TTLL5: variants seen among roughly 807,000 people sequenced by gnomAD.
TTLL5 encodes the protein tubulin polyglutamylase TTLL5.
Under a neutral mutation model 168.4 loss-of-function variants are expected in TTLL5, and 132 were observed. That is an observed-to-expected ratio of 0.78 (90% CI 0.68 to 0.91). The LOEUF (loss-of-function observed/expected upper bound fraction) is 0.91. TTLL5 is among the 40% of genes least tolerant of loss of function. The probability of loss-of-function intolerance (pLI) is 0.00; values close to 1 mark genes in which losing one functional copy is unlikely to be tolerated. For missense variants in TTLL5, 1,545 were observed against 1,581.5 expected, an observed-to-expected ratio of 0.98 and a Z score of 0.39; for synonymous variants, 546 against 558.6, an observed-to-expected ratio of 0.98 and a Z score of 0.32.
intron 27 of TTLL5, among the ~76,000 whole-genome samples, chr14:75,803,994 A>C (rs182960161): frequency 1.3e-5 from 2 of 152,280 alleles, no homozygotes; most frequent in East Asian, 3.9e-4. Context: ...CTGGGAGTTT[A>C]ATCAAAGGGA....
chr14:75,902,385 T>A, intron 31 of TTLL5, 161 bp downstream of exon 31: 1 of 776,492 alleles, frequency 1.3e-6, no homozygotes, highest in Non-Finnish European at 2.1e-6. Flanking sequence ...CATTCTTCTT[T>A]AAAATAGTCT....
chr14:75,781,674 G>T (rs1326243600), intron 24 of TTLL5, among the ~76,000 whole-genome samples: 3 of 152,142 alleles, frequency 2.0e-5, no homozygotes, highest in African/African-American at 7.2e-5. Context: ...AAGAGTTTAG[G>T]CCGGGCATGG....
chr14:75,946,919 A>T (rs1346324114), intron 31 of TTLL5, among the ~76,000 whole-genome samples: 1 of 152,190 alleles, frequency 6.6e-6, no homozygotes, highest in Non-Finnish European at 1.5e-5. Flanking sequence ...TCATGCCTGG[A>T]GGGAGGGATG....
chr14:75,893,817 C>CAAAAAAAAAAAAAAAAAAAAAAAAAA (rs61332109), intron 30 of TTLL5, among the ~76,000 whole-genome samples: 1 of 71,618 alleles, frequency 1.4e-5, no homozygotes, highest in Non-Finnish European at 2.5e-5. Flanking sequence ...GACTCCATCT[C>CAAAAAAAAAAAAAAAAAAAAAAAAAA]AAAAAAAAAA....
At chr14:75,909,522 C>T (rs1398114676) in intron 31 of TTLL5, among the ~76,000 whole-genome samples, 3 of 151,996 alleles carry the variant, frequency 2.0e-5, no homozygotes, top group African/African-American at 7.3e-5. Flanking sequence ...GCAGTGACCC[C>T]CTCTCTGGGA....
At chr14:75,807,733 G>A (rs371136054) in intron 27 of TTLL5, among the ~76,000 whole-genome samples, 10 of 152,210 alleles carry the variant, frequency 6.6e-5, no homozygotes, top group African/African-American at 2.4e-4. Flanking sequence ...TGTCTCTTTC[G>A]GTGTGAATAA....
chr14:75,902,930 C>T (rs886587333), intron 31 of TTLL5, among the ~76,000 whole-genome samples: 6 of 152,156 alleles, frequency 3.9e-5, no homozygotes, highest in African/African-American at 1.4e-4. Flanking sequence ...TCTTAGGGAA[C>T]TTTAAAGGAG....
At chr14:75,761,677 C>T (rs924847165) in intron 18 of TTLL5, among the ~76,000 whole-genome samples, 5 of 152,072 alleles carry the variant, frequency 3.3e-5, no homozygotes, top group African/African-American at 4.8e-5. Context: ...GCCTTTAGGA[C>T]GTTAGGGAAG....
At chr14:75,828,073 A>C (rs1014785892) in intron 28 of TTLL5, among the ~76,000 whole-genome samples, 1 of 152,102 alleles carries the variant, frequency 6.6e-6, no homozygotes, top group Non-Finnish European at 1.5e-5. Context: ...AGAATGAAAT[A>C]TGGGTGCATC....
intron 27 of TTLL5, 67 bp from the exon 28 acceptor site, chr14:75,819,940 A>G (rs1894733242): frequency 6.6e-7 from 1 of 1,514,140 alleles, no homozygotes; most frequent in African/African-American, 1.4e-5. Flanking sequence ...GATTTTGCCT[A>G]TATGTTGTTA....
At chr14:75,858,898 A>G (rs1455002830) in intron 28 of TTLL5, among the ~76,000 whole-genome samples, 1 of 152,146 alleles carries the variant, frequency 6.6e-6, no homozygotes, top group Non-Finnish European at 1.5e-5. Context: ...TTCTTAATAC[A>G]AGACTATTCC....
At chr14:75,756,629 T>A (rs1468086678) in intron 18 of TTLL5, among the ~76,000 whole-genome samples, 1 of 151,852 alleles carries the variant, frequency 6.6e-6, no homozygotes, top group Non-Finnish European at 1.5e-5. Context: ...TGCCTCAGCC[T>A]CCCGAGCAGC....
At chr14:75,885,206 A>G (rs2032045660) in intron 30 of TTLL5, among the ~76,000 whole-genome samples, 1 of 119,332 alleles carries the variant, frequency 8.4e-6, no homozygotes, top group Non-Finnish European at 1.8e-5. Context: ...AAATAAAAAA[A>G]CTGGCCAGGT....
chr14:75,835,559 A>G (rs771127684), intron 28 of TTLL5: 2 of 152,240 alleles, frequency 1.3e-5, no homozygotes, highest in Non-Finnish European at 2.9e-5. Context: ...AACCAGCTCA[A>G]CATTTCATCT....
intron 29 of TTLL5, among the ~76,000 whole-genome samples, chr14:75,867,028 C>G (rs1215995145): frequency 6.6e-6 from 1 of 152,164 alleles, no homozygotes. Flanking sequence ...GTTTGAAAAA[C>G]ATTGTTTTAA....
intron 31 of TTLL5, among the ~76,000 whole-genome samples, chr14:75,951,806 G>A (rs2034970208): frequency 6.6e-6 from 1 of 152,148 alleles, no homozygotes; most frequent in South Asian, 2.1e-4. Context: ...ACTGGGTGAA[G>A]ATGTTTGTAA....
intron 15 of TTLL5, among the ~76,000 whole-genome samples, chr14:75,742,292 C>T (rs1889325446): frequency 6.6e-6 from 1 of 152,158 alleles, no homozygotes; most frequent in East Asian, 1.9e-4. Flanking sequence ...CTGTTTCTTA[C>T]TCTCTCTTTA....
intron 15 of TTLL5, among the ~76,000 whole-genome samples, chr14:75,743,800 C>T (rs539393910): frequency 1.3e-5 from 2 of 151,908 alleles, no homozygotes; most frequent in Non-Finnish European, 1.5e-5. Flanking sequence ...CCAGGATGGT[C>T]TCAATCTCCT....
In TTLL5 at chr14:75,954,503, T is replaced by C; in HGVS notation, c.*57T>C. On this transcript the variant is annotated 3_prime_UTR_variant, in exon 32 of 32. Transcript: ENST00000298832. ...CCACTCCTGGGTGCATGATTGAGGG[T>C]GAAGCATCCACCAGCACTTCAAGGG... The C allele has an allele frequency of 6.3e-7, 1 of 1,598,398 alleles. No individual in the cohort carries two copies. The highest frequency in any genetic ancestry group is 1.7e-5 in the Admixed American group (1 of 59,872).
Sources: gnomAD v4.1 joint callset for allele counts (sites outside exome capture counted in the v4.1 genomes callset) on GRCh38, gnomAD v4.1.1 for gene constraint, MANE v1.5 for transcripts, NCBI Gene and HGNC (gene_info 2026-07-23, HGNC 2026-07-21) for gene names.